Variants in RABGAP1 observed in about 807,000 individuals in gnomAD.
RABGAP1 encodes the protein rab GTPase-activating protein 1.
In RABGAP1, 23 loss-of-function variants were observed where a neutral mutation model predicts 137.6. The ratio of observed to expected loss-of-function variants is 0.17; its 90% CI spans 0.12 to 0.24. The LOEUF is 0.24. Among genes scored for constraint, RABGAP1 ranks in the 10% least tolerant of loss-of-function variants. The probability of loss-of-function intolerance (pLI) is 1.00; values close to 1 mark genes in which losing one functional copy is unlikely to be tolerated. For missense variants in RABGAP1, 906 were observed against 1,275.8 expected, an observed-to-expected ratio of 0.71 and a Z score of 4.42; for synonymous variants, 451 against 450.7, an observed-to-expected ratio of 1.00 and a Z score of -0.01.
At chr9:122,937,297 C>T (rs141863977), upstream of RABGAP1, among the ~76,000 whole-genome samples, 11 of 152,158 alleles carry the variant, frequency 7.2e-5, no homozygotes, top group African/African-American at 2.2e-4. Context: ...ATTTTGAAGT[C>T]GTTCGAAGAA....
chr9:122,949,381 C>G (rs187901765), intron 1 of RABGAP1, among the ~76,000 whole-genome samples: 1 of 151,898 alleles, frequency 6.6e-6, no homozygotes, highest in South Asian at 2.1e-4. Flanking sequence ...GGCGTGGTGG[C>G]GGGCACCTGT....
chr9:123,016,930 C>T (rs1362346862), intron 12 of RABGAP1, among the ~76,000 whole-genome samples: 1 of 152,190 alleles, frequency 6.6e-6, no homozygotes, highest in African/African-American at 2.4e-5. Context: ...AAAACACTCT[C>T]CACACTGGAA....
At chr9:122,933,193 T>C in the RABGAP1 span, among the ~76,000 whole-genome samples, 2 of 152,202 alleles carry the variant, frequency 1.3e-5, no homozygotes, top group African/African-American at 4.8e-5. Flanking sequence ...CCCACTATTA[T>C]TGTAGAACTG....
chr9:122,945,128 GTATACA>G (rs1340635931), intron 1 of RABGAP1, among the ~76,000 whole-genome samples: 3 of 54,516 alleles, frequency 5.5e-5, no homozygotes, highest in African/African-American at 1.3e-4. Context: ...AAAACACCAT[GTATACA>G]TCATAGCTGT....
At chr9:122,953,119 A>T (rs1362181958) in intron 1 of RABGAP1, among the ~76,000 whole-genome samples, 1 of 152,254 alleles carries the variant, frequency 6.6e-6, no homozygotes, top group African/African-American at 2.4e-5. Context: ...AAATTAACTC[A>T]TACAGGCACT....
chr9:122,991,378 T>C (rs755426776), intron 6 of RABGAP1, among the ~76,000 whole-genome samples: 2 of 152,202 alleles, frequency 1.3e-5, no homozygotes, highest in Non-Finnish European at 2.9e-5. Flanking sequence ...AATGAAGTTA[T>C]ATAAAAATAT....
intron 13 of RABGAP1, among the ~76,000 whole-genome samples, chr9:123,044,459 C>G (rs942346933): frequency 1.3e-5 from 2 of 152,114 alleles, no homozygotes; most frequent in Non-Finnish European, 2.9e-5. Context: ...AGTTTTGGGT[C>G]TTTAAGACCT....
intron 13 of RABGAP1, among the ~76,000 whole-genome samples, chr9:123,026,826 T>C (rs1465332431): frequency 2.6e-5 from 4 of 152,230 alleles, no homozygotes; most frequent in Non-Finnish European, 5.9e-5. Flanking sequence ...CCTTTTGTGT[T>C]GGTGGCTTAG....
At chr9:123,001,615 C>G (rs796950640) in intron 10 of RABGAP1, among the ~76,000 whole-genome samples, 1 of 152,132 alleles carries the variant, frequency 6.6e-6, no homozygotes, top group Non-Finnish European at 1.5e-5. Flanking sequence ...GATTAGGGGT[C>G]GTCATCTAGA....
intron 13 of RABGAP1, chr9:123,034,327 G>A (rs2032485351): frequency 1.8e-6 from 1 of 541,422 alleles, no homozygotes; most frequent in Admixed American, 3.5e-5. Context: ...CTGGCACTAT[G>A]GCCGCGTCTG....
chr9:123,046,665 A>T (rs761589527), intron 13 of RABGAP1, among the ~76,000 whole-genome samples: 11 of 152,246 alleles, frequency 7.2e-5, no homozygotes, highest in African/African-American at 2.7e-4. Context: ...CACTCAGTAC[A>T]TGTTAGCTGG....
At chr9:123,035,650 G>A (rs2032607732) in intron 13 of RABGAP1, 1 of 49,418 alleles carries the variant, frequency 2.0e-5, no homozygotes, top group East Asian at 1.6e-4. Context: ...GTGTGTGTGT[G>A]TGTGTGTGTG....
chr9:123,037,821 G>C (rs1297553480), intron 13 of RABGAP1, among the ~76,000 whole-genome samples: 1 of 152,022 alleles, frequency 6.6e-6, no homozygotes, highest in African/African-American at 2.4e-5. Flanking sequence ...TATTTGGAAA[G>C]TTCATGTTTA....
intron 19 of RABGAP1, among the ~76,000 whole-genome samples, chr9:123,084,430 C>G (rs1486581221): frequency 6.6e-6 from 1 of 152,164 alleles, no homozygotes; most frequent in Non-Finnish European, 1.5e-5. Context: ...TACCCACTCA[C>G]CCAACAACAT....
Position 122,984,552 on chromosome 9 carries a change from T to C in RABGAP1, c.218T>C (p.Met73Thr), listed in dbSNP as rs757241963. 3.1e-6 allele frequency: 5 copies of C among 1,614,068 alleles called. No homozygotes were observed. Among genetic ancestry groups the C allele is most frequent in the South Asian group, 1.1e-5 (1 of 91,088 alleles). Residue 73 changes from methionine to threonine, a missense_variant, in exon 3 of 26, where the codon ATG becomes ACG. By Grantham distance (81) the Met-to-Thr change is moderately conservative (BLOSUM62 -1). Around this residue, in one of 9 missense-constraint regions of RABGAP1, gnomAD observed 331 missense variants for 358.3 expected, o/e 0.92. Transcript: ENST00000373647. Reference sequence around the variant, plus strand: ...GCAGATGTACTGATGGATCCTCCAATGGACGACCAGCCAGGGGAAAAGGAG... The same window carrying C: ...GCAGATGTACTGATGGATCCTCCAACGGACGACCAGCCAGGGGAAAAGGAG... Reference protein sequence around the residue: ...ELADVLMDPPMDDQPGEKELV... With the variant: ...ELADVLMDPPTDDQPGEKELV...
intron 2 of RABGAP1, among the ~76,000 whole-genome samples, chr9:122,959,770 T>C (rs529171369): frequency 6.6e-6 from 1 of 152,308 alleles, no homozygotes; most frequent in Non-Finnish European, 1.5e-5. Flanking sequence ...GAGCAAGATA[T>C]CATTATTTCT....
At chr9:122,992,044 C>CTT (rs930038020) in intron 6 of RABGAP1, among the ~76,000 whole-genome samples, 1 of 148,330 alleles carries the variant, frequency 6.7e-6, no homozygotes. Context: ...TATTTTCTTT[C>CTT]TTTTTTTTTT....
chr9:123,090,111 G>A (rs907902104), intron 20 of RABGAP1, among the ~76,000 whole-genome samples, 164 bp from the exon 21 acceptor site: 2 of 152,156 alleles, frequency 1.3e-5, no homozygotes, highest in African/African-American at 4.8e-5. Context: ...TTTCTTTATG[G>A]AGCTAGAAAA....
In RABGAP1 at chr9:122,952,839, A is replaced by G. The variant is rs186104554; in HGVS notation, c.-49-4172A>G. Among the ~76,000 whole-genome samples the G allele has an allele frequency of 6.6e-5, 10 of 152,340 alleles. No individual in the cohort carries two copies. The East Asian group carries it at 1.7e-3, about 26-fold the overall frequency. On this transcript the variant is annotated intron_variant, in intron 1 of 25. Transcript: ENST00000373647. ...ATCACTTCTATAAAAGGAGGAGACAAACTGTGAGTGCTTACCTACCAAATA... is the reference window on the plus strand; with the variant it reads ...ATCACTTCTATAAAAGGAGGAGACAGACTGTGAGTGCTTACCTACCAAATA...
Sources: allele counts gnomAD v4.1 joint callset (sites outside exome capture counted in the v4.1 genomes callset), GRCh38; gene constraint gnomAD v4.1.1; regional missense constraint gnomAD v4.1.1; transcripts MANE v1.5; gene names NCBI Gene and HGNC (gene_info 2026-07-23, HGNC 2026-07-21).